Variants in DOCK1 observed in about 807,000 individuals in gnomAD.
DOCK1 encodes dedicator of cytokinesis protein 1.
A neutral mutation model predicts 262.7 loss-of-function variants in DOCK1; 138 were observed. The observed-to-expected ratio is 0.53, with a 90% CI of 0.46 to 0.61. The LOEUF is 0.61. Ranked by LOEUF, DOCK1 falls within the 20% of genes least tolerant of loss-of-function variation. The pLI is 0.00. For synonymous variants in DOCK1, 866 were observed against 867.4 expected, an observed-to-expected ratio of 1.00 and a Z score of 0.03; for missense variants, 1,908 against 2,370.7, an observed-to-expected ratio of 0.80 and a Z score of 4.05.
intron 2 of DOCK1, among the ~76,000 whole-genome samples, chr10:126,974,154 A>G (rs553986419): frequency 6.6e-6 from 1 of 152,234 alleles, no homozygotes; most frequent in African/African-American, 2.4e-5. Context: ...AGGTGAGGCC[A>G]GGCCCCAGTG....
In DOCK1 at chr10:127,338,897, G is replaced by T. The variant is rs888161057; in HGVS notation, c.3045-109G>T. 43 of 920,274 alleles carry T rather than the reference G, an allele frequency of 4.7e-5. No homozygotes were observed. The African/African-American group carries it at 6.6e-4, about 14-fold the overall frequency. 57.0% of individuals were successfully genotyped at this position (920,274 alleles called of 1,614,324 possible). A position where few individuals can be genotyped will look rare whatever the true frequency, so the allele number is the denominator to read the frequency against. On this transcript the variant is annotated intron_variant, in intron 29 of 51. Transcript: ENST00000623213. ...ACCTCACAGCTTTGCGCAAGACTTG[G>T]AGAGTTCACATTCCAGACAGTCTGG... is the stretch of plus-strand genomic sequence containing the variant.
Position 126,950,709 on chromosome 10 carries a change from C to G in DOCK1, c.47-19993C>G, listed in dbSNP as rs979978118. 1.3e-4 allele frequency among the ~76,000 whole-genome samples: 20 copies of G among 152,256 alleles called. No individual in the cohort carries two copies. The East Asian group carries it at 3.7e-3, about 28-fold the overall frequency. On this transcript the variant is annotated intron_variant, in intron 1 of 51. Coordinates refer to ENST00000623213, the MANE Select transcript of DOCK1 (RefSeq NM_001290223.2). ...GCAGCATGCCCTCCTTCCTCCTGCT[C>G]TTTGCCTCAGAGTCTTTGTGTGCAG...
intron 29 of DOCK1, among the ~76,000 whole-genome samples, chr10:127,291,316 C>G (rs1044963524): frequency 1.3e-5 from 2 of 152,194 alleles, no homozygotes; most frequent in African/African-American, 4.8e-5. Context: ...CATGCCCTGT[C>G]CCCTTTATCC....
chr10:127,315,865 ATTT>A lies in DOCK1; in HGVS notation c.3045-23138_3045-23136del, dbSNP rs2062255207. Among the ~76,000 whole-genome samples, 4 of 151,918 alleles carry A rather than the reference ATTT, an allele frequency of 2.6e-5. 1 individual carries two copies. The South Asian group carries it at 8.3e-4, about 32-fold the overall frequency. ...AGGTGCCTGCCCCCATGCCGGGCCA[ATTT>A]TTATATTTTTAGTAGAGACGGGGTT... On this transcript the variant is annotated intron_variant, in intron 29 of 51. Transcript: ENST00000623213.
At chr10:127,448,298 C>T (rs760671339) in intron 51 of DOCK1, among the ~76,000 whole-genome samples, 16 of 152,208 alleles carry the variant, frequency 1.1e-4, no homozygotes, top group Non-Finnish European at 1.6e-4. Flanking sequence ...ACCCAAAGTG[C>T]CTTGTGCCAA....
chr10:127,018,921 A>G lies in DOCK1; in HGVS notation c.1327+86A>G, dbSNP rs544160891. On this transcript the variant is annotated intron_variant, in intron 13 of 51. Transcript: ENST00000623213. The stretch of plus-strand genomic sequence containing the variant: ...TGACGTGTGGGCAGCATCATGTATG[A>G]GCTCTGGCAAGGAAAGGGCTCAGCT... 12 of 1,554,658 alleles carry G rather than the reference A, an allele frequency of 7.7e-6. No homozygotes were observed. The African/African-American group carries it at 1.4e-4, about 18-fold the overall frequency.
intron 38 of DOCK1, among the ~76,000 whole-genome samples, chr10:127,393,705 G>C (rs1278408789): frequency 1.3e-5 from 2 of 152,128 alleles, no homozygotes; most frequent in African/African-American, 4.8e-5. Flanking sequence ...TTTGAATGAT[G>C]TTCTGTTATC....
chr10:127,425,186 TG>T (rs1399408343), intron 46 of DOCK1, among the ~76,000 whole-genome samples: 9 of 152,142 alleles, frequency 5.9e-5, no homozygotes, highest in Admixed American at 3.9e-4. Context: ...GTCCAAGCCC[TG>T]GGGGGAAGCA....
At chr10:127,261,853 C>A (rs2060151125) in intron 29 of DOCK1, among the ~76,000 whole-genome samples, 1 of 89,980 alleles carries the variant, frequency 1.1e-5, no homozygotes, top group Non-Finnish European at 2.1e-5. Context: ...CGTGTGTGTA[C>A]CTGCATGTGG....
At chr10:126,950,266 G>A (rs1410102511) in intron 1 of DOCK1, among the ~76,000 whole-genome samples, 6 of 152,060 alleles carry the variant, frequency 3.9e-5, no homozygotes, top group African/African-American at 1.4e-4. Context: ...GCTTATCTGT[G>A]TCATGTCTTG....
chr10:127,068,280 C>T (rs577710133), intron 23 of DOCK1, among the ~76,000 whole-genome samples: 16 of 152,276 alleles, frequency 1.1e-4, no homozygotes, highest in South Asian at 4.1e-4. Flanking sequence ...GGGATCCACA[C>T]GGCTACTCAC....
chr10:127,373,484 A>AT (rs11387275), intron 33 of DOCK1, among the ~76,000 whole-genome samples: 109,748 of 151,130 alleles, frequency 0.73, 39,785 homozygotes, highest in Middle Eastern at 0.79. Context: ...CTGCGCTTTG[A>AT]TTTTTTTTTC....
At chr10:127,444,859 A>G (rs2070433067) in intron 50 of DOCK1, among the ~76,000 whole-genome samples, 1 of 151,500 alleles carries the variant, frequency 6.6e-6, no homozygotes, top group Non-Finnish European at 1.5e-5. Context: ...GCCTCCCTCC[A>G]GCTTCTGGTG....
At chr10:127,056,722 G>A (rs192251772) in intron 22 of DOCK1, among the ~76,000 whole-genome samples, 24 of 151,962 alleles carry the variant, frequency 1.6e-4, no homozygotes, top group Admixed American at 9.2e-4. Flanking sequence ...TTCTCTGAAC[G>A]TTTCCTGAAT....
chr10:127,275,184 A>G (rs1490605202), intron 29 of DOCK1, among the ~76,000 whole-genome samples: 2 of 152,084 alleles, frequency 1.3e-5, no homozygotes, highest in African/African-American at 2.4e-5. Flanking sequence ...GGGCTCTTTG[A>G]TATCTAGGGG....
In DOCK1 at chr10:127,024,661, A is replaced by G. The variant is rs1421337933; in HGVS notation, c.1453-24A>G. The G allele has an allele frequency of 2.5e-6, 4 of 1,592,360 alleles. No individual in the cohort carries two copies. The Admixed American group carries it at 7.0e-5, about 28-fold the overall frequency. On this transcript the variant is annotated intron_variant, in intron 14 of 51. Transcript: ENST00000623213. ...GTCAAGCTCTATGAGGTCTTACGTG[A>G]GCTCTTTATGTCTTCTTTTAAAGCA...
At chr10:127,267,251 C>T (rs931679233) in intron 29 of DOCK1, among the ~76,000 whole-genome samples, 2 of 152,184 alleles carry the variant, frequency 1.3e-5, no homozygotes, top group African/African-American at 2.4e-5. Context: ...AACTGACCTA[C>T]GACCAAATGC....
intron 3 of DOCK1, among the ~76,000 whole-genome samples, chr10:126,980,990 C>T (rs1431871423): frequency 6.6e-6 from 1 of 151,026 alleles, no homozygotes; most frequent in Non-Finnish European, 1.5e-5. Flanking sequence ...CTCTGTCGCC[C>T]AGGCTGGAGC....
chr10:127,409,291 AT>A (rs1348089241), intron 41 of DOCK1, 21 bp from the exon 42 acceptor site: 1 of 1,613,720 alleles, frequency 6.2e-7, no homozygotes, highest in Non-Finnish European at 8.5e-7. Flanking sequence ...TGCCTTAGTG[AT>A]CCTTAACCCC....
Sources: allele counts gnomAD v4.1 joint callset (sites outside exome capture counted in the v4.1 genomes callset), GRCh38; gene constraint gnomAD v4.1.1; transcripts MANE v1.5; gene names NCBI Gene and HGNC (gene_info 2026-07-23, HGNC 2026-07-21).